The following EIF2AK4 variants were observed in gnomAD, a reference collection of about 807,000 sequenced individuals.
EIF2AK4 encodes the protein eIF-2-alpha kinase GCN2.
In EIF2AK4, 139 loss-of-function variants were observed where a neutral mutation model predicts 211.1. That is an observed-to-expected ratio of 0.66 (90% CI 0.57 to 0.76). EIF2AK4 has a LOEUF of 0.76. Among genes scored for constraint, EIF2AK4 ranks in the 30% least tolerant of loss-of-function variants. The pLI is 0.00. For synonymous variants in EIF2AK4, 710 were observed against 751.3 expected, an observed-to-expected ratio of 0.94 and a Z score of 0.90; for missense variants, 1,664 against 2,043.8, an observed-to-expected ratio of 0.81 and a Z score of 3.58.
intron 18 of EIF2AK4, 22 bp downstream of exon 18, chr15:39,992,870 A>G (rs1191340084): frequency 6.2e-7 from 1 of 1,609,948 alleles, no homozygotes. Context: ...TGTGGGGAAA[A>G]GGAATCTCAA....
intron 5 of EIF2AK4, 145 bp downstream of exon 5, chr15:39,954,129 T>C (rs902783590): frequency 8.3e-6 from 6 of 725,550 alleles, no homozygotes; most frequent in Non-Finnish European, 1.2e-5. Flanking sequence ...TATTTCAGAC[T>C]CCCTAAATAG....
intron 27 of EIF2AK4, among the ~76,000 whole-genome samples, chr15:40,011,749 C>G (rs1051674610): frequency 2.6e-5 from 4 of 152,134 alleles, no homozygotes; most frequent in Admixed American, 1.3e-4. Flanking sequence ...GGGGAGCTAC[C>G]CTTCCCCTAC....
chr15:39,984,717 T>C (rs1267681098), intron 13 of EIF2AK4, among the ~76,000 whole-genome samples: 1 of 152,256 alleles, frequency 6.6e-6, no homozygotes, highest in Non-Finnish European at 1.5e-5. Context: ...CCTGAGACTT[T>C]GCTGAAGTTG....
At position 40,035,099 on chromosome 15, in the gene EIF2AK4, C is replaced by T. The variant is rs1384345728; in HGVS notation, c.*15C>T. On this transcript the variant is annotated 3_prime_UTR_variant, in exon 39 of 39. Transcript: ENST00000263791. ...TCTTATTTTAACCCTAAAGAACTGT[C>T]GTTAACCTCATTCAAACAGACAGAG... 5.2e-6 allele frequency: 8 copies of T among 1,541,640 alleles called. No homozygotes were observed. The highest frequency in any genetic ancestry group is 1.2e-5 in the South Asian group (1 of 84,032).
intron 2 of EIF2AK4, among the ~76,000 whole-genome samples, chr15:39,940,315 T>A (rs936731247): frequency 1.3e-5 from 2 of 152,168 alleles, no homozygotes; most frequent in Non-Finnish European, 2.9e-5. Flanking sequence ...TCCCCACCCA[T>A]CCCACATGGA....
intron 28 of EIF2AK4, 89 bp from the exon 29 acceptor site, chr15:40,017,019 C>A: frequency 6.7e-7 from 1 of 1,500,798 alleles, no homozygotes; most frequent in Non-Finnish European, 9.2e-7. Context: ...TGTTCTGATG[C>A]TATTGATGGG....
chr15:39,988,225 G>A, intron 15 of EIF2AK4, 120 bp downstream of exon 15: 1 of 1,048,946 alleles, frequency 9.5e-7, no homozygotes. Flanking sequence ...TGGGTATATT[G>A]ACATAATCTA....
At chr15:40,034,000 C>G (rs944615729) in intron 37 of EIF2AK4, among the ~76,000 whole-genome samples, 1 of 150,646 alleles carries the variant, frequency 6.6e-6, no homozygotes, top group Non-Finnish European at 1.5e-5. Flanking sequence ...TGCACTCCAG[C>G]CTGGGCAACA....
At chr15:39,998,085 T>A (rs1052109935) in intron 19 of EIF2AK4, among the ~76,000 whole-genome samples, 2 of 152,160 alleles carry the variant, frequency 1.3e-5, no homozygotes, top group African/African-American at 4.8e-5. Context: ...TAGGACTAAG[T>A]GAAGTGATTT....
chr15:39,967,392 C>T lies in EIF2AK4; in HGVS notation c.1066C>T (p.Pro356Ser). ...EFNSLVKLSH[P>S]NVVRYLAMNL... is the part of the protein sequence containing the mutation. ...CAACTCACTGGTAAAATTGAGCCAT[C>T]CAAATGTAGTACGCTACCTTGCAAT... The change falls in exon 9 of 39, where the codon CCA becomes TCA. Residue 356 changes from proline (P) to serine (S), a missense_variant. By Grantham distance (74) the Pro-to-Ser change is moderately conservative (BLOSUM62 -1). This residue lies in a region of EIF2AK4 where 641 missense variants were observed against 729.6 expected (regional missense o/e 0.88). Transcript: ENST00000263791. 1 of 1,611,392 alleles carries T rather than the reference C, an allele frequency of 6.2e-7. No individual in the cohort carries two copies. Among genetic ancestry groups the T allele is most frequent in the Non-Finnish European group, 8.5e-7 (1 of 1,178,692 alleles).
chr15:39,993,643 A>T (rs1442555154), intron 18 of EIF2AK4, among the ~76,000 whole-genome samples: 2 of 152,264 alleles, frequency 1.3e-5, no homozygotes, highest in Admixed American at 1.3e-4. Flanking sequence ...ACAGTGTGGC[A>T]AGCAACAGGG....
At chr15:39,948,969 C>T (rs1426852310) in intron 3 of EIF2AK4, 147 bp from the exon 4 acceptor site, 3 of 912,314 alleles carry the variant, frequency 3.3e-6, no homozygotes, top group South Asian at 1.7e-5. Context: ...TATCATATAC[C>T]GAATTCAGAG....
chr15:40,012,379 C>T (rs2035246514), intron 27 of EIF2AK4, among the ~76,000 whole-genome samples: 1 of 152,018 alleles, frequency 6.6e-6, no homozygotes, highest in Admixed American at 6.6e-5. Context: ...ATGCATAGCA[C>T]TAGGAGTTCT....
At chr15:39,938,281 T>C (rs780482682) in intron 1 of EIF2AK4, among the ~76,000 whole-genome samples, 2 of 152,192 alleles carry the variant, frequency 1.3e-5, no homozygotes, top group Non-Finnish European at 2.9e-5. Context: ...AATGAGTGGA[T>C]GAAAGACCTG....
At chr15:39,977,120 G>A in intron 12 of EIF2AK4, 1 of 335,934 alleles carries the variant, frequency 3.0e-6, no homozygotes, top group African/African-American at 2.4e-5. Context: ...ATCCAGACGT[G>A]TTGACCATGT....
chr15:40,019,168 A>G lies in EIF2AK4; in HGVS notation c.4141A>G (p.Ile1381Val), dbSNP rs1476855604. The change falls in exon 30 of 39, where the codon ATA becomes GTA. Residue 1381 changes from isoleucine (I) to valine (V), a missense_variant. Physicochemically the swap from Ile to Val is conservative, Grantham distance 29 (BLOSUM62 3). Around this residue, in one of 7 missense-constraint regions of EIF2AK4, gnomAD observed 622 missense variants for 796.8 expected, o/e 0.78. Transcript: ENST00000263791. ...TGGGGTCAGCATAGCTATAGACAAGATATCTGCTGCTGTCCTCAACATGGA... is the reference window on the plus strand; with the variant it reads ...TGGGGTCAGCATAGCTATAGACAAGGTATCTGCTGCTGTCCTCAACATGGA... The part of the protein sequence containing the change: ...AIGVSIAIDK[I>V]SAAVLNMEES... The G allele has an allele frequency of 1.9e-6, 3 of 1,602,530 alleles. No homozygotes were observed. Among genetic ancestry groups the G allele is most frequent in the East Asian group, 2.3e-5 (1 of 44,432 alleles).
chr15:39,953,862 G>A, intron 4 of EIF2AK4, 42 bp from the exon 5 acceptor site: 2 of 1,585,192 alleles, frequency 1.3e-6, no homozygotes, highest in Non-Finnish European at 1.7e-6. Flanking sequence ...TGTTGTATGG[G>A]TTTCAGAGAT....
chr15:40,029,421 T>A lies in EIF2AK4; in HGVS notation c.4518T>A (p.Asn1506Lys). 6.2e-7 allele frequency: 1 copy of A among 1,613,170 alleles called. No homozygotes were observed. ...TTGTTTTTAGAGAAGCTTCCGATAA[T>A]CTTGCAGTGCAAAATCTGAAGGGGT... is the stretch of plus-strand genomic sequence containing the variant. ...DERNGREASDNLAVQNLKGSF... is the reference protein window; with the variant it reads ...DERNGREASDKLAVQNLKGSF... The change falls in exon 34 of 39, where the codon AAT (asparagine) becomes AAA (lysine). Residue 1506 changes from asparagine to lysine, a missense_variant. Coordinates refer to ENST00000263791, the MANE Select transcript of EIF2AK4 (RefSeq NM_001013703.4).
intron 2 of EIF2AK4, among the ~76,000 whole-genome samples, chr15:39,940,987 G>T (rs2034137321): frequency 6.6e-6 from 1 of 152,102 alleles, no homozygotes; most frequent in Non-Finnish European, 1.5e-5. Context: ...TTACCAGTTT[G>T]TTGTAAAGGA....
Sources: allele counts gnomAD v4.1 joint callset (sites outside exome capture counted in the v4.1 genomes callset), GRCh38; gene constraint gnomAD v4.1.1; regional missense constraint gnomAD v4.1.1; transcripts MANE v1.5; gene names NCBI Gene and HGNC (gene_info 2026-07-23, HGNC 2026-07-21).